The following RINT1 variants were observed in gnomAD, a reference collection of about 807,000 sequenced individuals.
RINT1 encodes RAD50 interactor 1.
RINT1 carries 75 observed loss-of-function variants against 97.7 expected under a neutral mutation model. The observed-to-expected ratio is 0.77, with a 90% CI of 0.64 to 0.93. The LOEUF is 0.93. Among genes scored for constraint, RINT1 ranks in the 40% least tolerant of loss-of-function variants. The pLI is 0.00. For missense variants in RINT1, 892 were observed against 925.2 expected (o/e 0.96, Z 0.47); for synonymous variants, 303 against 326.3 (o/e 0.93, Z 0.77).
chr7:105,535,724 G>A (rs1172494515), intron 2 of RINT1: 1 of 341,212 alleles, frequency 2.9e-6, no homozygotes, highest in Non-Finnish European at 5.8e-6. Context: ...AATTTTGTTA[G>A]ATGAAGTCTT....
intron 9 of RINT1, among the ~76,000 whole-genome samples, chr7:105,550,879 C>T (rs777006921): frequency 5.9e-5 from 9 of 152,068 alleles, no homozygotes; most frequent in Admixed American, 1.3e-4. Flanking sequence ...CTCAGCCTCC[C>T]GAGTAGTTAG....
At chr7:105,542,381 T>G (rs938906068) in intron 3 of RINT1, 27 bp from the exon 4 acceptor site, 3 of 1,518,500 alleles carry the variant, frequency 2.0e-6, no homozygotes, top group Non-Finnish European at 2.7e-6. Flanking sequence ...TGTTCTTTCT[T>G]TCTTTCTTTT....
chr7:105,548,457 A>T, intron 6 of RINT1, 97 bp from the exon 7 acceptor site: 1 of 1,076,544 alleles, frequency 9.3e-7, no homozygotes, highest in Non-Finnish European at 1.4e-6. Context: ...AGTATCTGAT[A>T]CATTTGTTGG....
rs762154301 is a variant in RINT1, at chr7:105,532,806, C to A, written c.43-18C>A. The A allele has an allele frequency of 6.2e-7, 1 of 1,613,816 alleles. No homozygotes were observed. Among genetic ancestry groups the A allele is most frequent in the South Asian group, 1.1e-5 (1 of 91,076 alleles). ...GACTTTAATCTTAATGTGCTTGTCA[C>A]ATCTGTTCTTCTTCTAGTGCTGCTC... On this transcript the variant is annotated intron_variant, in intron 1 of 14. Coordinates refer to ENST00000257700, the MANE Select transcript of RINT1 (RefSeq NM_021930.6).
chr7:105,532,294 C>T lies in RINT1; in HGVS notation c.-22C>T. The T allele has an allele frequency of 6.4e-7, 1 of 1,569,686 alleles. No individual in the cohort carries two copies. Among genetic ancestry groups the T allele is most frequent in the Middle Eastern group, 1.7e-4 (1 of 5,734 alleles). ...AGGCCACGCTGGCTGCGAATGGAGC[C>T]GAGGACTCGCGCGGAGGCGAGATGC... is the stretch of plus-strand genomic sequence containing the variant. On this transcript the variant is annotated 5_prime_UTR_variant, in exon 1 of 15. Coordinates refer to ENST00000257700, the MANE Select transcript of RINT1 (RefSeq NM_021930.6).
intron 2 of RINT1, among the ~76,000 whole-genome samples, chr7:105,534,886 G>T (rs902848867): frequency 2.0e-5 from 3 of 152,006 alleles, no homozygotes; most frequent in African/African-American, 7.2e-5. Context: ...TGTTTGTTGG[G>T]GTGTAGGGGT....
At chr7:105,561,712 C>T (rs1212749524) in intron 11 of RINT1, among the ~76,000 whole-genome samples, 1 of 151,958 alleles carries the variant, frequency 6.6e-6, no homozygotes, top group African/African-American at 2.4e-5. Flanking sequence ...CAGGCACCTG[C>T]CACCATGCCC....
At chr7:105,541,798 C>T (rs1790470064) in intron 3 of RINT1, 1 of 152,174 alleles carries the variant, frequency 6.6e-6, no homozygotes, top group Non-Finnish European at 1.5e-5. Context: ...TAAGTTTTCT[C>T]TAGCTGGATC....
intron 3 of RINT1, among the ~76,000 whole-genome samples, chr7:105,540,689 C>T (rs1455237849): frequency 6.6e-6 from 1 of 150,948 alleles, no homozygotes; most frequent in Non-Finnish European, 1.5e-5. Flanking sequence ...TGAGCCACTG[C>T]ACCTGGCCAC....
chr7:105,557,164 CTA>C (rs1251751447), intron 11 of RINT1, among the ~76,000 whole-genome samples: 6 of 151,872 alleles, frequency 4.0e-5, no homozygotes, highest in South Asian at 2.1e-4. Context: ...CTGATAATGA[CTA>C]TGAAAATTTT....
chr7:105,554,950 C>A, intron 10 of RINT1, 78 bp from the exon 11 acceptor site: 2 of 1,084,760 alleles, frequency 1.8e-6, no homozygotes, highest in Non-Finnish European at 2.7e-6. Flanking sequence ...AGCACTGAAG[C>A]AGGACAGTAG....
chr7:105,550,009 T>C, intron 7 of RINT1, 46 bp from the exon 8 acceptor site: 1 of 1,219,722 alleles, frequency 8.2e-7, no homozygotes, highest in South Asian at 1.3e-5. Context: ...TGTAACTTTC[T>C]AATTGGAATG....
At chr7:105,536,355 C>T (rs983820017) in intron 2 of RINT1, among the ~76,000 whole-genome samples, 7 of 151,994 alleles carry the variant, frequency 4.6e-5, no homozygotes, top group South Asian at 4.2e-4. Flanking sequence ...GACGGGATTT[C>T]GCCGTGTTTG....
chr7:105,567,156 G>C lies in RINT1; in HGVS notation c.2224G>C (p.Gly742Arg). 6.3e-7 allele frequency: 1 copy of C among 1,586,006 alleles called. No homozygotes were observed. Among genetic ancestry groups the C allele is most frequent in the South Asian group, 1.2e-5 (1 of 85,424 alleles). Residue 742 changes from glycine to arginine, a missense_variant, in exon 15 of 15, where the codon GGT (glycine) becomes CGT (arginine). Transcript: ENST00000257700. ...CTGTATTGTTTTGAATTTGAACGTC[G>C]GTTCTGCACTACTGCTGAAAGATGT... ...EACIVLNLNV[G>R]SALLLKDVLQ...
Position 105,555,221 on chromosome 7 carries a change from C to T in RINT1, c.1665C>T (p.Asp555=). Residue 555 remains aspartate (D), a synonymous_variant, in exon 11 of 15, where the codon GAC becomes GAT. Transcript: ENST00000257700. ...YISTVLADWA[D]NVFFLQLQQA... ...CAACAGTACTAGCAGATTGGGCTGA[C>T]AATGTTGTGAGTTAATATGCTTTTA... is the stretch of plus-strand genomic sequence containing the variant. 6.2e-7 allele frequency: 1 copy of T among 1,611,970 alleles called. No individual in the cohort carries two copies. The highest frequency in any genetic ancestry group is 8.5e-7 in the Non-Finnish European group (1 of 1,178,848).
chr7:105,543,234 C>G (rs1160328565), intron 4 of RINT1, among the ~76,000 whole-genome samples: 1 of 152,096 alleles, frequency 6.6e-6, no homozygotes, highest in African/African-American at 2.4e-5. Context: ...ATGATAAAAA[C>G]TATTCTTTGT....
chr7:105,563,169 T>C (rs1791513873), intron 11 of RINT1, among the ~76,000 whole-genome samples: 1 of 152,174 alleles, frequency 6.6e-6, no homozygotes, highest in Non-Finnish European at 1.5e-5. Context: ...CAACCATACG[T>C]TGTATGATTT....
At chr7:105,562,099 G>A (rs985297185) in intron 11 of RINT1, among the ~76,000 whole-genome samples, 3 of 152,078 alleles carry the variant, frequency 2.0e-5, no homozygotes, top group Non-Finnish European at 4.4e-5. Context: ...GTGTGTGTAT[G>A]TCAACGTGTG....
chr7:105,542,954 G>A (rs1790519515), intron 4 of RINT1, among the ~76,000 whole-genome samples: 1 of 151,052 alleles, frequency 6.6e-6, no homozygotes, highest in Admixed American at 6.6e-5. Flanking sequence ...GTGCCATCTC[G>A]GCTCACTGCA....
Sources: gnomAD v4.1 joint callset for allele counts (sites outside exome capture counted in the v4.1 genomes callset) on GRCh38, gnomAD v4.1.1 for gene constraint, MANE v1.5 for transcripts, NCBI Gene and HGNC (gene_info 2026-07-23, HGNC 2026-07-21) for gene names.